Variants in USP8 observed in about 807,000 individuals in gnomAD.
USP8 encodes ubiquitin carboxyl-terminal hydrolase 8.
USP8 carries 27 observed loss-of-function variants against 130.0 expected under a neutral mutation model. That is an observed-to-expected ratio of 0.21 (90% CI 0.15 to 0.29). The LOEUF (loss-of-function observed/expected upper bound fraction) is 0.29, where lower values mean the gene tolerates loss of function less well. USP8 is among the 10% of genes least tolerant of loss of function. The pLI is 1.00. For synonymous variants in USP8, 392 were observed against 444.1 expected (o/e 0.88, Z 1.48); for missense variants, 1,029 against 1,312.2 (o/e 0.78, Z 3.33).
chr15:50,458,965 A>G lies in USP8; in HGVS notation c.336-35A>G, dbSNP rs750941940. 5.0e-6 allele frequency: 8 copies of G among 1,609,338 alleles called. No homozygotes were observed. In the African/African-American group the frequency reaches 9.4e-5, roughly 19 times the overall value. Reference sequence around the variant, plus strand: ...TCCTTTAATTTCCACGATTAACGCCAATAAAAGACAATCTTGACTTATTTT... The same window carrying G: ...TCCTTTAATTTCCACGATTAACGCCGATAAAAGACAATCTTGACTTATTTT... On this transcript the variant is annotated intron_variant, in intron 4 of 19. Coordinates refer to ENST00000307179, the MANE Select transcript of USP8 (RefSeq NM_005154.5).
rs149289926 is a variant in USP8 at position 50,486,134 on chromosome 15, T to C, written c.1890+1773T>C. Among the ~76,000 whole-genome samples the C allele has an allele frequency of 6.4e-3, 969 of 152,152 alleles. 14 individuals are homozygous for C. Among genetic ancestry groups the C allele is most frequent in the African/African-American group, 0.022 (933 of 41,492 alleles). On this transcript the variant is annotated intron_variant, in intron 12 of 19. Transcript: ENST00000307179. The stretch of plus-strand genomic sequence containing the variant: ...TAGGTCATTCTGCTGTATTTTGCCA[T>C]TAAAAAAATCTGAGACCAGCCTTGG...
intron 2 of USP8, 35 bp downstream of exon 2, chr15:50,439,212 A>T (rs2050172658): frequency 7.7e-7 from 1 of 1,300,420 alleles, no homozygotes; most frequent in East Asian, 2.6e-5. Flanking sequence ...GATTGAATCA[A>T]ATATTAATTT....
At chr15:50,458,218 C>G (rs988829376) in intron 4 of USP8, among the ~76,000 whole-genome samples, 3 of 152,184 alleles carry the variant, frequency 2.0e-5, no homozygotes, top group African/African-American at 7.2e-5. Context: ...GTCACGTGAT[C>G]TCGGCTCACT....
chr15:50,490,964 A>G (rs1307271754), intron 14 of USP8, among the ~76,000 whole-genome samples: 1 of 152,220 alleles, frequency 6.6e-6, no homozygotes. Flanking sequence ...TAAAATAACA[A>G]GCACTTTAGT....
chr15:50,484,445 C>A, intron 12 of USP8, 84 bp downstream of exon 12: 4 of 1,095,162 alleles, frequency 3.7e-6, no homozygotes, highest in Non-Finnish European at 4.0e-6. Flanking sequence ...ACACTGCTAT[C>A]TTTTATCATG....
At position 50,478,060 on chromosome 15, in the gene USP8, C is replaced by T. The variant is rs565296072; in HGVS notation, c.1218+561C>T. 2.0e-5 allele frequency among the ~76,000 whole-genome samples: 3 copies of T among 152,226 alleles called. No homozygotes were observed. In the East Asian group the frequency reaches 5.8e-4, roughly 29 times the overall value. On this transcript the variant is annotated intron_variant, in intron 10 of 19. Transcript: ENST00000307179. ...GGCGATCCATTTGCTACAAACAATG[C>T]CAATGAAAGATTGCATTATCACAGT...
chr15:50,481,238 C>A (rs2051756255), intron 10 of USP8, among the ~76,000 whole-genome samples: 1 of 152,074 alleles, frequency 6.6e-6, no homozygotes, highest in Non-Finnish European at 1.5e-5. Context: ...CTTTTGTATA[C>A]AAAACACTCA....
rs2052759667 is a variant in USP8, at chr15:50,513,159, G to A, written c.*14071G>A. 1 of 152,148 alleles carries A rather than the reference G, an allele frequency of 6.6e-6. No individual in the cohort carries two copies. Among genetic ancestry groups the A allele is most frequent in the East Asian group, 1.9e-4 (1 of 5,200 alleles). The allele number at this position is 152,148 out of a possible 1,614,324, so 9.4% of individuals were successfully genotyped here. A position where few individuals can be genotyped will look rare whatever the true frequency, so the allele number is the denominator to read the frequency against. On this transcript the variant is annotated 3_prime_UTR_variant, in exon 20 of 20. Coordinates refer to ENST00000307179, the MANE Select transcript of USP8 (RefSeq NM_005154.5). ...GTATGTATTGGTATAATCACTTGTAGAAAGTTAAATATGCACATACTTTAT... is the reference window on the plus strand; with the variant it reads ...GTATGTATTGGTATAATCACTTGTAAAAAGTTAAATATGCACATACTTTAT...
chr15:50,441,635 TA>T, intron 3 of USP8, 142 bp downstream of exon 3: 1 of 657,124 alleles, frequency 1.5e-6, no homozygotes, highest in Non-Finnish European at 2.4e-6. Context: ...AAAAGGGAAC[TA>T]AAGATACAGT....
intron 13 of USP8, 44 bp from the exon 14 acceptor site, chr15:50,490,219 A>AT (rs2052106950): frequency 6.4e-7 from 1 of 1,555,482 alleles, no homozygotes; most frequent in African/African-American, 1.4e-5. Flanking sequence ...TATAATGCTT[A>AT]TTTTTGTTTT....
At chr15:50,487,183 A>C (rs2051995269) in intron 12 of USP8, among the ~76,000 whole-genome samples, 1 of 152,146 alleles carries the variant, frequency 6.6e-6, no homozygotes. Flanking sequence ...CCAATAACCT[A>C]TGGAAAAATA....
chr15:50,424,532 G>A lies in USP8; in HGVS notation c.-66+18G>A, dbSNP rs944532822. ...GCGTCACGGTGAGTGCGGGTCTTGG[G>A]CCCTAGCACCTGTTCTCTGGGAAGT... On this transcript the variant is annotated intron_variant, in intron 1 of 19. Transcript: ENST00000307179. The A allele has an allele frequency of 1.3e-5, 5 of 398,566 alleles. No homozygotes were observed. Among genetic ancestry groups the A allele is most frequent in the African/African-American group, 1.0e-4 (5 of 48,652 alleles). 24.7% of individuals were successfully genotyped at this position (398,566 alleles called of 1,614,324 possible).
intron 6 of USP8, among the ~76,000 whole-genome samples, chr15:50,462,968 C>T (rs904237574): frequency 6.6e-6 from 1 of 152,018 alleles, no homozygotes; most frequent in African/African-American, 2.4e-5. Flanking sequence ...AAAATCGAGG[C>T]CAGGCGCAGT....
chr15:50,494,206 G>A lies in USP8; in HGVS notation c.2584G>A (p.Ala862Thr), dbSNP rs1211784505. The change falls in exon 16 of 20, where the codon GCA becomes ACA. Residue 862 changes from alanine (A) to threonine (T), a missense_variant. This residue lies in a region of USP8 where 257 missense variants were observed against 429.8 expected (regional missense o/e 0.60). Transcript: ENST00000307179. ...CATTGGGAAGATCAATGACCAGTTTGCAGGATACAGTCAGCAAGATTCACA... is the reference window on the plus strand; with the variant it reads ...CATTGGGAAGATCAATGACCAGTTTACAGGATACAGTCAGCAAGATTCACA... ...ITIGKINDQF[A>T]GYSQQDSQEL... 5 of 1,613,964 alleles carry A rather than the reference G, an allele frequency of 3.1e-6. No homozygotes were observed. The South Asian group carries it at 5.5e-5, about 18-fold the overall frequency.
rs776174967 is a variant in USP8, at chr15:50,481,873, T to A, written c.1611T>A (p.Asp537Glu). 6.5e-7 allele frequency: 1 copy of A among 1,549,058 alleles called. No individual in the cohort carries two copies. The highest frequency in any genetic ancestry group is 2.4e-5 in the East Asian group (1 of 42,296). Residue 537 changes from aspartate (D) to glutamate (E), a missense_variant, in exon 11 of 20, where the codon GAT becomes GAA. By Grantham distance (45) the Asp-to-Glu change is conservative. Coordinates refer to ENST00000307179, the MANE Select transcript of USP8 (RefSeq NM_005154.5). ...AAAGTGAACAGGCCAAGAAAGAAGA[T>A]AAAGAAACCTCAGCAAAGAGGGGCA... is the stretch of plus-strand genomic sequence containing the variant. ...KKESEQAKKEDKETSAKRGKE... is the reference protein window; with the variant it reads ...KKESEQAKKEEKETSAKRGKE...
At chr15:50,441,258 C>G in intron 2 of USP8, 91 bp from the exon 3 acceptor site, 3 of 1,279,296 alleles carry the variant, frequency 2.3e-6, no homozygotes, top group African/African-American at 1.5e-5. Flanking sequence ...TTGGGGATCC[C>G]TGATAAAGAT....
At chr15:50,482,761 T>C (rs945390164) in intron 11 of USP8, among the ~76,000 whole-genome samples, 1 of 152,240 alleles carries the variant, frequency 6.6e-6, no homozygotes, top group African/African-American at 2.4e-5. Flanking sequence ...AGAACAGTTA[T>C]GGTCCTTTTT....
intron 10 of USP8, among the ~76,000 whole-genome samples, chr15:50,478,645 T>C (rs537088914): frequency 6.6e-6 from 1 of 152,350 alleles, no homozygotes; most frequent in South Asian, 2.1e-4. Flanking sequence ...AGCTTCTCTA[T>C]GTTATTGCAT....
At chr15:50,469,855 C>T (rs1480342926) in intron 7 of USP8, among the ~76,000 whole-genome samples, 1 of 134,442 alleles carries the variant, frequency 7.4e-6, no homozygotes. Flanking sequence ...TTTTTTGAGA[C>T]AGAGTCTCGC....
Sources: allele counts gnomAD v4.1 joint callset (sites outside exome capture counted in the v4.1 genomes callset), GRCh38; gene constraint gnomAD v4.1.1; regional missense constraint gnomAD v4.1.1; transcripts MANE v1.5; gene names NCBI Gene and HGNC (gene_info 2026-07-23, HGNC 2026-07-21).